The following SHCBP1 variants were observed in gnomAD, a reference collection of about 807,000 sequenced individuals.
The protein encoded by SHCBP1 is SHC binding and spindle associated 1, also known as SHC SH2 domain-binding protein 1.
In SHCBP1, 60 loss-of-function variants were observed where a neutral mutation model predicts 75.1. That is an observed-to-expected ratio of 0.80 (90% CI 0.65 to 0.99). The LOEUF is 0.99. SHCBP1 is among the 50% of genes least tolerant of loss of function. The pLI, the probability that SHCBP1 is intolerant of heterozygous loss-of-function variation, is 0.00. For synonymous variants in SHCBP1, 290 were observed against 293.2 expected, an observed-to-expected ratio of 0.99 and a Z score of 0.11; for missense variants, 709 against 809.4, an observed-to-expected ratio of 0.88 and a Z score of 1.50.
rs571312732 is a variant in SHCBP1 at position 46,594,600 on chromosome 16, C to A, written c.1464+952G>T. 7.9e-5 allele frequency among the ~76,000 whole-genome samples: 12 copies of A among 152,158 alleles called. No individual in the cohort carries two copies. In the South Asian group the frequency reaches 2.3e-3, roughly 29 times the overall value. On this transcript the variant is annotated intron_variant, in intron 10 of 12. Transcript: ENST00000303383. ...CAAAAAATAGTCAAAACACCAAATG[C>A]TCTTGAGGACATGGAGAAACTAGAC... is the stretch of plus-strand genomic sequence containing the variant.
chr16:46,597,236 C>G (rs1472786117), intron 9 of SHCBP1, among the ~76,000 whole-genome samples: 1 of 151,986 alleles, frequency 6.6e-6, no homozygotes. Flanking sequence ...CATCGTGAAA[C>G]CCCATCTCTA....
chr16:46,616,495 G>A lies in SHCBP1; in HGVS notation c.388-341C>T. ...CTGAAGAGCTGGGAAAGCACAGAAG[G>A]CCTGTGGCAGAGACAGGCTTGGCAG... On this transcript the variant is annotated intron_variant, in intron 3 of 12. Coordinates refer to ENST00000303383, the MANE Select transcript of SHCBP1 (RefSeq NM_024745.5). This position sits in a 1 kb window ranked among gnomAD's most constrained non-coding sequence, Gnocchi z 4.4. Among the ~76,000 whole-genome samples, 1 of 152,206 alleles carries A rather than the reference G, an allele frequency of 6.6e-6. No individual in the cohort carries two copies. The highest frequency in any genetic ancestry group is 1.9e-4 in the East Asian group (1 of 5,196).
Position 46,616,016 on chromosome 16 carries a change from G to A in SHCBP1, c.526C>T (p.Gln176Ter). Residue 176 changes from glutamine to a stop codon, truncating the protein, a stop_gained, in exon 4 of 13, where the codon CAG becomes TAG. Coordinates refer to ENST00000303383, the MANE Select transcript of SHCBP1 (RefSeq NM_024745.5). LOFTEE classifies it high-confidence loss of function. The surrounding 1 kb of genome is among the most constrained non-coding windows in gnomAD (Gnocchi z 4.4). ...LDLKEHRLPL[Q>*]ELWVVFDDSG... is the part of the protein sequence containing the mutation. ...TCATCAAACACCACCCACAGCTCCT[G>A]CAGGGGCAACCGATGCTCCTTCAGA... 6.2e-7 allele frequency: 1 copy of A among 1,614,192 alleles called. No individual in the cohort carries two copies. Among genetic ancestry groups the A allele is most frequent in the Non-Finnish European group, 8.5e-7 (1 of 1,180,038 alleles).
In SHCBP1 at chr16:46,599,729, T is replaced by C. The variant is rs964357005; in HGVS notation, c.1345+102A>G. ...GAAGTGCAATAAAACAAGGTATGCC[T>C]GTACTCAAGAGTGGCATTTCATTAA... On this transcript the variant is annotated intron_variant, in intron 9 of 12. Coordinates refer to ENST00000303383, the MANE Select transcript of SHCBP1 (RefSeq NM_024745.5). 4 of 523,204 alleles carry C rather than the reference T, an allele frequency of 7.6e-6. No individual in the cohort carries two copies. In the African/African-American group the frequency reaches 1.0e-4, roughly 13 times the overall value. 32.4% of individuals were successfully genotyped at this position (523,204 alleles called of 1,614,324 possible).
intron 9 of SHCBP1, among the ~76,000 whole-genome samples, chr16:46,598,434 T>C (rs1158399884): frequency 6.6e-6 from 1 of 152,194 alleles, no homozygotes; most frequent in African/African-American, 2.4e-5. Context: ...ACCAGGTACA[T>C]TGTCAATAAG....
rs1461938872 is a variant in SHCBP1, at chr16:46,579,549, A to G, written c.*2180T>C. Among the ~76,000 whole-genome samples, 1 of 152,146 alleles carries G rather than the reference A, an allele frequency of 6.6e-6. No individual in the cohort carries two copies. The highest frequency in any genetic ancestry group is 2.4e-5 in the African/African-American group (1 of 41,450). Reference sequence around the variant, plus strand: ...AAGTAGAAATTCAATTGAAAAATCAATGTGATTTGGGAGGCTGAGGTGGGT... The same window carrying G: ...AAGTAGAAATTCAATTGAAAAATCAGTGTGATTTGGGAGGCTGAGGTGGGT... On this transcript the variant is annotated 3_prime_UTR_variant, in exon 13 of 13. Transcript: ENST00000303383.
At chr16:46,595,771 C>T in intron 9 of SHCBP1, 101 bp from the exon 10 acceptor site, 1 of 657,054 alleles carries the variant, frequency 1.5e-6, no homozygotes, top group Non-Finnish European at 2.5e-6. Context: ...AAATATTTCT[C>T]AATGGCTATC....
In SHCBP1 at chr16:46,583,601, T is replaced by C; in HGVS notation, c.1608A>G (p.Ile536Met). The part of the protein sequence containing the change: ...IPKISMVNNI[I>M]HNNEGYGVVL... The stretch of plus-strand genomic sequence containing the variant: ...CAACACCATAACCTTCATTATTATG[T>C]ATTATATTATTCACCATGGATATCT... Residue 536 changes from isoleucine (I) to methionine (M), a missense_variant, in exon 12 of 13, where the codon ATA becomes ATG. Physicochemically the swap from Ile to Met is conservative, Grantham distance 10. Transcript: ENST00000303383. 6.2e-7 allele frequency: 1 copy of C among 1,610,446 alleles called. No individual in the cohort carries two copies. The highest frequency in any genetic ancestry group is 8.5e-7 in the Non-Finnish European group (1 of 1,178,898).
chr16:46,586,050 T>C (rs949362024), intron 10 of SHCBP1, among the ~76,000 whole-genome samples: 2 of 152,134 alleles, frequency 1.3e-5, no homozygotes, highest in Non-Finnish European at 2.9e-5. Flanking sequence ...CACAACATAA[T>C]ATAAAAATAT....
chr16:46,609,389 C>G (rs1260815252), intron 4 of SHCBP1, among the ~76,000 whole-genome samples: 2 of 150,548 alleles, frequency 1.3e-5, no homozygotes, highest in African/African-American at 4.9e-5. Context: ...CAATCAGAAT[C>G]TGGTGGGGTG....
chr16:46,609,302 G>A (rs1382954616), intron 4 of SHCBP1, among the ~76,000 whole-genome samples: 1 of 152,008 alleles, frequency 6.6e-6, no homozygotes, highest in Non-Finnish European at 1.5e-5. Flanking sequence ...ACTCCAGCCT[G>A]GGCAACACAG....
At chr16:46,607,432 T>A (rs1369277688) in intron 5 of SHCBP1, among the ~76,000 whole-genome samples, 1 of 152,112 alleles carries the variant, frequency 6.6e-6, no homozygotes, top group South Asian at 2.1e-4. Context: ...CCTCACACAT[T>A]TTTTATTTTA....
chr16:46,603,504 G>A (rs578144323), intron 8 of SHCBP1, 35 bp downstream of exon 8: 58 of 1,613,002 alleles, frequency 3.6e-5, no homozygotes, highest in Non-Finnish European at 4.1e-5. Flanking sequence ...AACATATCAC[G>A]TGTGAGAGTT....
At chr16:46,587,377 G>C (rs1964969526) in intron 10 of SHCBP1, among the ~76,000 whole-genome samples, 1 of 152,026 alleles carries the variant, frequency 6.6e-6, no homozygotes, top group Non-Finnish European at 1.5e-5. Flanking sequence ...ATCAAGAAAT[G>C]AAAAGCATAA....
Position 46,616,417 on chromosome 16 carries a change from G to C in SHCBP1, c.388-263C>G, listed in dbSNP as rs1965501224. ...TGGGGATCTTGTTCTGCTGAGATGG[G>C]CAAGGAAGTCAGCTCTGAGCCAGGC... On this transcript the variant is annotated intron_variant, in intron 3 of 12. Coordinates refer to ENST00000303383, the MANE Select transcript of SHCBP1 (RefSeq NM_024745.5). The surrounding 1 kb of genome is among the most constrained non-coding windows in gnomAD (Gnocchi z 4.4). Among the ~76,000 whole-genome samples, 1 of 152,210 alleles carries C rather than the reference G, an allele frequency of 6.6e-6. No individual in the cohort carries two copies. The highest frequency in any genetic ancestry group is 2.4e-5 in the African/African-American group (1 of 41,442).
chr16:46,583,871 G>A lies in SHCBP1; in HGVS notation c.1551+132C>T, dbSNP rs1306274200. On this transcript the variant is annotated intron_variant, in intron 11 of 12. Transcript: ENST00000303383. ...ATTCTCACAAGAGATTCCAATCACT[G>A]ATATTATCAAAATGTGTACACTGTT... The A allele has an allele frequency of 3.3e-6, 3 of 906,220 alleles. No homozygotes were observed. The African/African-American group carries it at 5.1e-5, about 15-fold the overall frequency. The allele number at this position is 906,220 out of a possible 1,614,324, so 56.1% of individuals were successfully genotyped here.
chr16:46,583,891 ACT>A, intron 11 of SHCBP1, 110 bp downstream of exon 11: 2 of 989,382 alleles, frequency 2.0e-6, no homozygotes, highest in East Asian at 2.6e-5. Context: ...AAATGTGTAC[ACT>A]GTTTATGCTT....
intron 4 of SHCBP1, among the ~76,000 whole-genome samples, chr16:46,615,307 G>A (rs928366345): frequency 6.6e-6 from 1 of 152,100 alleles, no homozygotes; most frequent in Admixed American, 6.5e-5. Flanking sequence ...TTTTGGGGGA[G>A]TCAAATGTTA....
intron 8 of SHCBP1, among the ~76,000 whole-genome samples, chr16:46,600,176 C>T (rs1402368121): frequency 1.3e-5 from 2 of 152,100 alleles, no homozygotes; most frequent in Non-Finnish European, 2.9e-5. Flanking sequence ...TGACTAGTCC[C>T]GTATCAGGAA....
Sources: allele counts gnomAD v4.1 joint callset (sites outside exome capture counted in the v4.1 genomes callset), GRCh38; gene constraint gnomAD v4.1.1; non-coding constraint Gnocchi (gnomAD v3.1); transcripts MANE v1.5; gene names NCBI Gene and HGNC (gene_info 2026-07-23, HGNC 2026-07-21).